Variants in SPEG observed in about 807,000 individuals in gnomAD.
SPEG encodes striated muscle preferentially expressed protein kinase.
SPEG carries 114 observed loss-of-function variants against 300.4 expected under a neutral mutation model. That is an observed-to-expected ratio of 0.38 (90% CI 0.33 to 0.44). The LOEUF (loss-of-function observed/expected upper bound fraction) is 0.44. SPEG is among the 20% of genes least tolerant of loss of function. The pLI is 1.00. For missense variants in SPEG, 4,201 were observed against 4,586.2 expected, an observed-to-expected ratio of 0.92 and a Z score of 2.43; for synonymous variants, 1,964 against 2,018.9, an observed-to-expected ratio of 0.97 and a Z score of 0.73.
At chr2:219,455,680 G>C (rs987047981) in intron 6 of SPEG, among the ~76,000 whole-genome samples, 2 of 152,162 alleles carry the variant, frequency 1.3e-5, no homozygotes, top group Non-Finnish European at 1.5e-5. Flanking sequence ...GTAGAACTGA[G>C]CTCATGAGCT....
intron 6 of SPEG, among the ~76,000 whole-genome samples, chr2:219,457,819 C>T (rs1166739691): frequency 6.6e-6 from 1 of 152,220 alleles, no homozygotes; most frequent in Non-Finnish European, 1.5e-5. Context: ...GTCCTCTGCA[C>T]ACATGGCTTT....
rs951182553 is a variant in SPEG, at chr2:219,459,696, C to G, written c.2441-2186C>G. Among the ~76,000 whole-genome samples the G allele has an allele frequency of 6.6e-6, 1 of 152,176 alleles. No homozygotes were observed. Among genetic ancestry groups the G allele is most frequent in the South Asian group, 2.1e-4 (1 of 4,828 alleles). On this transcript the variant is annotated intron_variant, in intron 6 of 40. Coordinates refer to ENST00000312358, the MANE Select transcript of SPEG (RefSeq NM_005876.5). The surrounding 1 kb of genome is among the most constrained non-coding windows in gnomAD (Gnocchi z 4.9). Reference sequence around the variant, plus strand: ...AGTACTGTCCAGCCTGGAGGTGACCCTGGGGCAGGACTCCAGGCTCCATAG... The same window carrying G: ...AGTACTGTCCAGCCTGGAGGTGACCGTGGGGCAGGACTCCAGGCTCCATAG...
In SPEG at chr2:219,468,612, G is replaced by A. The variant is rs1691589381; in HGVS notation, c.3177G>A (p.Arg1059=). Residue 1059 remains arginine (R), a synonymous_variant, in exon 11 of 41, where the codon CGG becomes CGA. Coordinates refer to ENST00000312358, the MANE Select transcript of SPEG (RefSeq NM_005876.5). ...ELTCSARLTV[R]PSLAPLFTRL... is the part of the protein sequence containing the mutation. Reference sequence around the variant, plus strand: ...CCTGCAGTGCCCGGCTGACCGTGCGGCCCTCGTTGGCACCCCTGTTCACAC... The same window carrying A: ...CCTGCAGTGCCCGGCTGACCGTGCGACCCTCGTTGGCACCCCTGTTCACAC... The A allele has an allele frequency of 1.2e-6, 2 of 1,613,620 alleles. No homozygotes were observed. The highest frequency in any genetic ancestry group is 1.7e-6 in the Non-Finnish European group (2 of 1,180,004).
chr2:219,486,181 G>A, intron 31 of SPEG, among the ~76,000 whole-genome samples: 1 of 152,254 alleles, frequency 6.6e-6, no homozygotes, highest in East Asian at 1.9e-4. Context: ...CTCTGCCTGA[G>A]TGTCCTGGAG....
Position 219,435,046 on chromosome 2 carries a change from C to T in SPEG, c.69C>T (p.Pro23=). The T allele has an allele frequency of 6.7e-7, 1 of 1,493,184 alleles. No homozygotes were observed. Among genetic ancestry groups the T allele is most frequent in the Non-Finnish European group, 8.9e-7 (1 of 1,129,938 alleles). 92.5% of individuals were successfully genotyped at this position (1,493,184 alleles called of 1,614,324 possible). Reference sequence around the variant, plus strand: ...GGGCACCCCCCAGCCCCGGAGTGCCCCCGAAAAGGGCCAAGGTGGGGGCCG... The same window carrying T: ...GGGCACCCCCCAGCCCCGGAGTGCCTCCGAAAAGGGCCAAGGTGGGGGCCG... The part of the protein sequence containing the change: ...GTRAPPSPGV[P]PKRAKVGAGG... The change falls in exon 1 of 41, where the codon CCC becomes CCT. Residue 23 remains proline, a synonymous_variant. Transcript: ENST00000312358.
rs773690517 is a variant in SPEG, at chr2:219,473,684, C to G, written c.4272-44C>G. The G allele has an allele frequency of 2.5e-6, 4 of 1,613,254 alleles. No individual in the cohort carries two copies. The highest frequency in any genetic ancestry group is 3.4e-6 in the Non-Finnish European group (4 of 1,179,498). On this transcript the variant is annotated intron_variant, in intron 17 of 40. Coordinates refer to ENST00000312358, the MANE Select transcript of SPEG (RefSeq NM_005876.5). The surrounding 1 kb of genome is among the most constrained non-coding windows in gnomAD (Gnocchi z 4.6). ...GTCTGGCCCAGCCTGGCCGGAATGC[C>G]CTGGGGCAAGATCTGGGTGACCTCC...
Position 219,492,204 on chromosome 2 carries a change from C to T in SPEG, c.9555C>T (p.Pro3185=), listed in dbSNP as rs753355759. Residue 3185 remains proline, a synonymous_variant, in exon 40 of 41, where the codon CCC becomes CCT. Transcript: ENST00000312358. ...GCTTTGATGCCTTCCAGCTGTACCCCAATACATCCCAGAGCGCCACCCTCT... is the reference window on the plus strand; with the variant it reads ...GCTTTGATGCCTTCCAGCTGTACCCTAATACATCCCAGAGCGCCACCCTCT... ...GGRFDAFQLY[P]NTSQSATLFL... The T allele has an allele frequency of 6.8e-6, 11 of 1,613,718 alleles. No individual in the cohort carries two copies. The East Asian group carries it at 2.2e-4, about 33-fold the overall frequency.
Position 219,444,546 on chromosome 2 carries a change from C to G in SPEG, c.389-107C>G. The G allele has an allele frequency of 1.1e-6, 1 of 921,622 alleles. No individual in the cohort carries two copies. The highest frequency in any genetic ancestry group is 1.7e-6 in the Non-Finnish European group (1 of 575,656). The allele number at this position is 921,622 out of a possible 1,614,324, so 57.1% of individuals were successfully genotyped here. On this transcript the variant is annotated intron_variant, in intron 1 of 40. Coordinates refer to ENST00000312358, the MANE Select transcript of SPEG (RefSeq NM_005876.5). The surrounding 1 kb of genome is among the most constrained non-coding windows in gnomAD (Gnocchi z 7.8). ...AAGAGAGGAGGTGCTGGCAGCCCTG[C>G]CAGTGATAAGATGGAGCCTGCTGTT...
At position 219,483,734 on chromosome 2, in the gene SPEG, C is replaced by T. The variant is rs1432796670; in HGVS notation, c.6271C>T (p.Leu2091=). 1 of 1,537,198 alleles carries T rather than the reference C, an allele frequency of 6.5e-7. No homozygotes were observed. Among genetic ancestry groups the T allele is most frequent in the African/African-American group, 1.4e-5 (1 of 73,054 alleles). Residue 2091 remains leucine, a synonymous_variant, in exon 30 of 41, where the codon CTG becomes TTG. Coordinates refer to ENST00000312358, the MANE Select transcript of SPEG (RefSeq NM_005876.5). The part of the protein sequence containing the change: ...DGKVSGLRGP[L]LESLGGRARD... ...CAAGGTCAGCGGCCTCAGGGGTCCCCTGCTGGAGAGCCTGGGGGGCCGTGC... is the reference window on the plus strand; with the variant it reads ...CAAGGTCAGCGGCCTCAGGGGTCCCTTGCTGGAGAGCCTGGGGGGCCGTGC...
At chr2:219,465,918 TGTGTGC>T (rs1181245682) in intron 9 of SPEG, 37 of 707,320 alleles carry the variant, frequency 5.2e-5, no homozygotes, top group South Asian at 2.2e-4. Flanking sequence ...CATGCGTGTG[TGTGTGC>T]GCGCGTGTGC....
Position 219,480,785 on chromosome 2 carries a change from G to A in SPEG, c.5369+88G>A, listed in dbSNP as rs865884023. On this transcript the variant is annotated intron_variant, in intron 26 of 40. Coordinates refer to ENST00000312358, the MANE Select transcript of SPEG (RefSeq NM_005876.5). The surrounding 1 kb of genome is among the most constrained non-coding windows in gnomAD (Gnocchi z 5.3). ...GCTGCAGCCCACCCCCTTCTCTTCC[G>A]CACCCCCCACTCCTTCTTGCACTGC... 4.2e-5 allele frequency: 52 copies of A among 1,247,068 alleles called. No individual in the cohort carries two copies. Among genetic ancestry groups the A allele is most frequent in the Middle Eastern group, 1.9e-4 (1 of 5,400 alleles). 77.3% of individuals were successfully genotyped at this position (1,247,068 alleles called of 1,614,324 possible). A position where few individuals can be genotyped will look rare whatever the true frequency, so the allele number is the denominator to read the frequency against.
At chr2:219,455,178 G>A (rs1490731131) in intron 6 of SPEG, among the ~76,000 whole-genome samples, 1 of 152,180 alleles carries the variant, frequency 6.6e-6, no homozygotes, top group Non-Finnish European at 1.5e-5. Flanking sequence ...GCCCTGTGTT[G>A]ATTGGATTAT....
In SPEG at chr2:219,489,866, C is replaced by T; in HGVS notation, c.8848C>T (p.Pro2950Ser). 1 of 1,611,060 alleles carries T rather than the reference C, an allele frequency of 6.2e-7. No homozygotes were observed. The highest frequency in any genetic ancestry group is 8.5e-7 in the Non-Finnish European group (1 of 1,178,060). The part of the protein sequence containing the change: ...SSPGSSPRSS[P>S]RPEGTTLRQG... Reference sequence around the variant, plus strand: ...CCCTGGGAGCAGTCCCCGAAGCTCTCCCAGGCCTGAGGGTACCACTCTTCG... The same window carrying T: ...CCCTGGGAGCAGTCCCCGAAGCTCTTCCAGGCCTGAGGGTACCACTCTTCG... The change falls in exon 36 of 41, where the codon CCC becomes TCC. Residue 2950 changes from proline (P) to serine (S), a missense_variant. Physicochemically the swap from Pro to Ser is moderately conservative, Grantham distance 74 (BLOSUM62 -1). This residue lies in a region of SPEG where 1,578 missense variants were observed against 1,506.0 expected (regional missense o/e 1.05). Coordinates refer to ENST00000312358, the MANE Select transcript of SPEG (RefSeq NM_005876.5).
At chr2:219,453,709 G>A (rs1020523924) in intron 6 of SPEG, among the ~76,000 whole-genome samples, 2 of 152,240 alleles carry the variant, frequency 1.3e-5, no homozygotes, top group Non-Finnish European at 2.9e-5. Flanking sequence ...CTTAAGTCAG[G>A]CTGGCTCGGG....
At chr2:219,465,821 G>A (rs573259503) in intron 9 of SPEG, 29 of 601,586 alleles carry the variant, frequency 4.8e-5, no homozygotes, top group Admixed American at 1.8e-4. Context: ...GTGCGTGTGC[G>A]TGCGCATGCG....
intron 6 of SPEG, chr2:219,461,254 A>G: frequency 1.0e-6 from 1 of 985,492 alleles, no homozygotes; most frequent in Non-Finnish European, 1.2e-6. Flanking sequence ...CTGCTTTCCT[A>G]TCCCTCGAGC....
chr2:219,493,123 A>C lies in SPEG; in HGVS notation c.*337A>C. 1.9e-6 allele frequency: 1 copy of C among 531,754 alleles called. No individual in the cohort carries two copies. Among genetic ancestry groups the C allele is most frequent in the South Asian group, 1.7e-5 (1 of 58,434 alleles). 32.9% of individuals were successfully genotyped at this position (531,754 alleles called of 1,614,324 possible). On this transcript the variant is annotated 3_prime_UTR_variant, in exon 41 of 41. Coordinates refer to ENST00000312358, the MANE Select transcript of SPEG (RefSeq NM_005876.5). ...CTAGGAAGGTTCTGGGTTGGGGGTC[A>C]GTGCATCTCAGGGAGAACCAAGGAA...
In SPEG at chr2:219,444,765, G is replaced by T. The variant is rs747420786; in HGVS notation, c.478+23G>T. ...CGGGTGAGCTCCTGGGGTGTACAAA[G>T]AGCAGGCAGGCGGGTTTTCCATAAG... is the stretch of plus-strand genomic sequence containing the variant. On this transcript the variant is annotated intron_variant, in intron 2 of 40. Coordinates refer to ENST00000312358, the MANE Select transcript of SPEG (RefSeq NM_005876.5). The surrounding 1 kb of genome is among the most constrained non-coding windows in gnomAD (Gnocchi z 7.8). The T allele has an allele frequency of 1.2e-6, 2 of 1,613,294 alleles. No homozygotes were observed. Among genetic ancestry groups the T allele is most frequent in the South Asian group, 2.2e-5 (2 of 91,030 alleles).
rs890005665 is a variant in SPEG at position 219,439,687 on chromosome 2, C to G, written c.388+4322C>G. 6.6e-6 allele frequency among the ~76,000 whole-genome samples: 1 copy of G among 152,152 alleles called. No homozygotes were observed. The highest frequency in any genetic ancestry group is 1.5e-5 in the Non-Finnish European group (1 of 68,024). ...GGAGGCCCACCCAGAGAGCATGTTC[C>G]AGGCCAGCCCTTCAGGAGTGAGCAG... On this transcript the variant is annotated intron_variant, in intron 1 of 40. Transcript: ENST00000312358. This position sits in a 1 kb window ranked among gnomAD's most constrained non-coding sequence, Gnocchi z 4.5.
Sources: allele counts gnomAD v4.1 joint callset (sites outside exome capture counted in the v4.1 genomes callset), GRCh38; gene constraint gnomAD v4.1.1; regional missense constraint gnomAD v4.1.1; non-coding constraint Gnocchi (gnomAD v3.1); transcripts MANE v1.5; gene names NCBI Gene and HGNC (gene_info 2026-07-23, HGNC 2026-07-21).